KATNIP: variants seen among roughly 807,000 people sequenced by gnomAD.
The protein encoded by KATNIP is katanin-interacting protein.
KATNIP carries 126 observed loss-of-function variants against 174.0 expected under a neutral mutation model. That is an observed-to-expected ratio of 0.72 (90% CI 0.63 to 0.84). The LOEUF is 0.84. KATNIP is among the 40% of genes least tolerant of loss of function. The pLI, the probability that KATNIP is intolerant of heterozygous loss-of-function variation, is 0.00. For missense variants in KATNIP, 1,958 were observed against 2,109.7 expected (o/e 0.93, Z 1.41); for synonymous variants, 810 against 835.7 (o/e 0.97, Z 0.53).
At chr16:27,553,413 A>G (rs1478982177) in intron 1 of KATNIP, among the ~76,000 whole-genome samples, 1 of 152,230 alleles carries the variant, frequency 6.6e-6, no homozygotes, top group Non-Finnish European at 1.5e-5. Context: ...TTCATATTTG[A>G]GAAAATTTCT....
intron 13 of KATNIP, among the ~76,000 whole-genome samples, chr16:27,713,082 A>G (rs2079656883): frequency 6.6e-6 from 1 of 152,190 alleles, no homozygotes; most frequent in Non-Finnish European, 1.5e-5. Context: ...CACTGGGATT[A>G]CAGGCATCAG....
At chr16:27,573,076 G>A (rs192423624) in intron 1 of KATNIP, among the ~76,000 whole-genome samples, 1 of 152,206 alleles carries the variant, frequency 6.6e-6, no homozygotes, top group Admixed American at 6.5e-5. Context: ...TTGCTAAGCT[G>A]TCACTAAGCA....
intron 27 of KATNIP, 84 bp downstream of exon 27, chr16:27,778,053 C>A: frequency 8.2e-7 from 1 of 1,224,350 alleles, no homozygotes; most frequent in Non-Finnish European, 1.2e-6. Context: ...TGCACCCCCA[C>A]CCTCACCCCT....
At chr16:27,766,847 A>C (rs981042599) in intron 20 of KATNIP, among the ~76,000 whole-genome samples, 10 of 152,050 alleles carry the variant, frequency 6.6e-5, no homozygotes, top group African/African-American at 2.4e-4. Flanking sequence ...CATTCCAGCC[A>C]ATGGGAGGTG....
intron 14 of KATNIP, among the ~76,000 whole-genome samples, chr16:27,730,727 G>A (rs1170745171): frequency 6.6e-6 from 1 of 152,182 alleles, no homozygotes; most frequent in Non-Finnish European, 1.5e-5. Flanking sequence ...GGTCTCCAGT[G>A]ACACCCTTCC....
At chr16:27,593,311 T>A (rs1382590906) in intron 2 of KATNIP, among the ~76,000 whole-genome samples, 1 of 144,794 alleles carries the variant, frequency 6.9e-6, no homozygotes, top group Non-Finnish European at 1.5e-5. Flanking sequence ...CAATCTCAGC[T>A]CACTGCAACC....
Position 27,776,629 on chromosome 16 carries a change from G to C in KATNIP, c.4450-299G>C, listed in dbSNP as rs1318705269. Among the ~76,000 whole-genome samples the C allele has an allele frequency of 6.6e-6, 1 of 152,160 alleles. No homozygotes were observed. Among genetic ancestry groups the C allele is most frequent in the Non-Finnish European group, 1.5e-5 (1 of 68,030 alleles). On this transcript the variant is annotated intron_variant, in intron 24 of 27. Coordinates refer to ENST00000261588, the MANE Select transcript of KATNIP (RefSeq NM_015202.5). The surrounding 1 kb of genome is among the most constrained non-coding windows in gnomAD (Gnocchi z 4.7). ...TTCTGGGCCTGACCTGAGGGGACGTGGGGGAGGGCCGAGGATGTTCCCAAT... is the reference window on the plus strand; with the variant it reads ...TTCTGGGCCTGACCTGAGGGGACGTCGGGGAGGGCCGAGGATGTTCCCAAT...
rs370518068 is a variant in KATNIP, at chr16:27,626,148, G to A, written c.141-2513G>A. On this transcript the variant is annotated intron_variant, in intron 3 of 27. Transcript: ENST00000261588. ...TGGGATTACAGGCATGAGCCACTGT[G>A]CTCTGGCCTCTGTATCATTTTTATT... Among the ~76,000 whole-genome samples the A allele has an allele frequency of 1.1e-3, 161 of 152,230 alleles. 6 individuals are homozygous for A. In the South Asian group the frequency reaches 0.032, roughly 30 times the overall value.
rs1431764038 is a variant in KATNIP at position 27,737,749 on chromosome 16, C to T, written c.1744-2292C>T. On this transcript the variant is annotated intron_variant, in intron 14 of 27. Transcript: ENST00000261588. ...GGGAAGCTGCCGAGTACTGCCGAGC[C>T]GCCACACCCACCCACTCCTAGGAGA... is the stretch of plus-strand genomic sequence containing the variant. 2.6e-5 allele frequency among the ~76,000 whole-genome samples: 4 copies of T among 152,178 alleles called. No homozygotes were observed. In the East Asian group the frequency reaches 7.7e-4, roughly 29 times the overall value.
chr16:27,742,030 G>C (rs1377466851), intron 15 of KATNIP, among the ~76,000 whole-genome samples: 1 of 144,626 alleles, frequency 6.9e-6, no homozygotes, highest in Non-Finnish European at 1.5e-5. Flanking sequence ...TACTGTATAT[G>C]TCAAAAAAAA....
intron 17 of KATNIP, among the ~76,000 whole-genome samples, chr16:27,753,729 C>T (rs1016393778): frequency 6.6e-6 from 1 of 151,458 alleles, no homozygotes; most frequent in Non-Finnish European, 1.5e-5. Context: ...TTCCTTCCTT[C>T]CTTCCCTCCC....
intron 2 of KATNIP, among the ~76,000 whole-genome samples, chr16:27,595,473 A>G (rs1015885042): frequency 1.3e-5 from 2 of 152,188 alleles, no homozygotes; most frequent in Admixed American, 6.5e-5. Context: ...GTTCATTGTG[A>G]TAGAGGCAAA....
intron 14 of KATNIP, among the ~76,000 whole-genome samples, chr16:27,733,560 GAA>G (rs2080776682): frequency 1.6e-5 from 2 of 121,870 alleles, no homozygotes; most frequent in Non-Finnish European, 3.3e-5. Context: ...AAGGAAACAA[GAA>G]GGACACACAC....
intron 1 of KATNIP, among the ~76,000 whole-genome samples, chr16:27,560,283 GAA>G (rs765910684): frequency 4.2e-3 from 189 of 44,976 alleles, no homozygotes; most frequent in African/African-American, 0.013. Context: ...CTCTGTCTCA[GAA>G]AAAAAAAAAA....
At chr16:27,764,106 C>T (rs1421010068) in intron 19 of KATNIP, among the ~76,000 whole-genome samples, 2 of 152,142 alleles carry the variant, frequency 1.3e-5, no homozygotes, top group Non-Finnish European at 1.5e-5. Flanking sequence ...GTATTTTCAC[C>T]TACTATTCTT....
intron 6 of KATNIP, among the ~76,000 whole-genome samples, chr16:27,655,202 A>ATATATATATATATATATG (rs2077235311): frequency 8.9e-6 from 1 of 112,516 alleles, no homozygotes; most frequent in Non-Finnish European, 1.7e-5. Flanking sequence ...ATATATATAT[A>ATATATATATATATATATG]TATATATATA....
chr16:27,674,733 T>A (rs2078048737), intron 6 of KATNIP, among the ~76,000 whole-genome samples: 1 of 152,206 alleles, frequency 6.6e-6, no homozygotes. Flanking sequence ...GGGGCTAGGA[T>A]ATGGACATCT....
chr16:27,730,973 T>A (rs2080654939), intron 14 of KATNIP, among the ~76,000 whole-genome samples: 1 of 152,198 alleles, frequency 6.6e-6, no homozygotes, highest in Admixed American at 6.5e-5. Flanking sequence ...CCTCTGGACT[T>A]GAGAGTATAC....
rs1436073906 is a variant in KATNIP, at chr16:27,701,602, C to T, written c.1193C>T (p.Thr398Ile). The change falls in exon 11 of 28, where the codon ACC becomes ATC. Residue 398 changes from threonine (T) to isoleucine (I), a missense_variant. Transcript: ENST00000261588. ...KEETLELLPI[T>I]TATTTQEPAG... ...TTCCATCCTCAGCTGCTTCCCATCA[C>T]CACGGCGACTACTACTCAGGAGCCG... The T allele has an allele frequency of 6.3e-7, 1 of 1,595,426 alleles. No individual in the cohort carries two copies.
Sources: gnomAD v4.1 joint callset for allele counts (sites outside exome capture counted in the v4.1 genomes callset) on GRCh38, gnomAD v4.1.1 for gene constraint, Gnocchi (gnomAD v3.1) non-coding constraint, MANE v1.5 for transcripts, NCBI Gene and HGNC (gene_info 2026-07-23, HGNC 2026-07-21) for gene names.